The following FGF10 variants were observed in gnomAD, a reference collection of about 807,000 sequenced individuals.
The protein encoded by FGF10 is FGF-10.
In FGF10, 2 loss-of-function variants were observed where a neutral mutation model predicts 19.8. That is an observed-to-expected ratio of 0.10 (90% confidence interval 0.04 to 0.32). The LOEUF is 0.32. FGF10 is among the 10% of genes least tolerant of loss of function. The pLI, the probability that FGF10 is intolerant of heterozygous loss-of-function variation, is 1.00. For synonymous variants in FGF10, 112 were observed against 94.0 expected, an observed-to-expected ratio of 1.19 and a Z score of -1.10; for missense variants, 191 against 246.3, an observed-to-expected ratio of 0.78 and a Z score of 1.50.
chr5:44,354,952 A>T (rs987155481), intron 1 of FGF10, among the ~76,000 whole-genome samples: 1 of 151,464 alleles, frequency 6.6e-6, no homozygotes, highest in African/African-American at 2.4e-5. Flanking sequence ...TTATAATACC[A>T]GTTCCCTTTT....
At position 44,353,499 on chromosome 5, in the gene FGF10, G is replaced by C. The variant is rs1741280486; in HGVS notation, c.325+34859C>G. 2.6e-5 allele frequency among the ~76,000 whole-genome samples: 4 copies of C among 151,172 alleles called. No homozygotes were observed. In the South Asian group the frequency reaches 8.3e-4, roughly 32 times the overall value. On this transcript the variant is annotated intron_variant, in intron 1 of 2. Coordinates refer to ENST00000264664, the MANE Select transcript of FGF10 (RefSeq NM_004465.2). ...TTTCTCACTTCATTAGTTTTGTTTT[G>C]TGTTTGTATTTTTAAATTGCGTCAA... is the stretch of plus-strand genomic sequence containing the variant.
chr5:44,373,422 C>A (rs1332809272), intron 1 of FGF10, among the ~76,000 whole-genome samples: 1 of 152,096 alleles, frequency 6.6e-6, no homozygotes, highest in Non-Finnish European at 1.5e-5. Flanking sequence ...CTTAACAGTT[C>A]TTTTTTCACT....
Position 44,303,882 on chromosome 5 carries a change from G to C in FGF10, c.*1113C>G, listed in dbSNP as rs1383025652. ...ATTTACAGAGGGTTTTTAGAGATGT[G>C]GACAGCCTCTTTACCGCCATGACAT... On this transcript the variant is annotated 3_prime_UTR_variant, in exon 3 of 3. Coordinates refer to ENST00000264664, the MANE Select transcript of FGF10 (RefSeq NM_004465.2). The C allele has an allele frequency of 6.6e-6, 1 of 152,088 alleles. No individual in the cohort carries two copies. Among genetic ancestry groups the C allele is most frequent in the Admixed American group, 6.6e-5 (1 of 15,254 alleles). The allele number at this position is 152,088 out of a possible 1,614,324, so 9.4% of individuals were successfully genotyped here. A position where few individuals can be genotyped will look rare whatever the true frequency, so the allele number is the denominator to read the frequency against.
chr5:44,348,666 A>G (rs559550412), intron 1 of FGF10, among the ~76,000 whole-genome samples: 1 of 145,730 alleles, frequency 6.9e-6, no homozygotes, highest in African/African-American at 2.8e-5. Flanking sequence ...TAAGATATAT[A>G]ACGAATGGCT....
At position 44,388,617 on chromosome 5, in the gene FGF10, G is replaced by A; in HGVS notation, c.66C>T (p.Cys22=). The A allele has an allele frequency of 6.2e-7, 1 of 1,614,068 alleles. No individual in the cohort carries two copies. Among genetic ancestry groups the A allele is most frequent in the Non-Finnish European group, 8.5e-7 (1 of 1,179,980 alleles). The change falls in exon 1 of 3, where the codon TGC becomes TGT. Residue 22 remains cysteine, a synonymous_variant. Coordinates refer to ENST00000264664, the MANE Select transcript of FGF10 (RefSeq NM_004465.2). ...AFPHLPGCCC[C]CFLLLFLVSS... The stretch of plus-strand genomic sequence containing the variant: ...ACACCAAGAACAGCAACAAAAAGCA[G>A]CAGCAGCAGCAGCCGGGCAGGTGGG...
At chr5:44,366,190 A>C (rs1232946166) in intron 1 of FGF10, among the ~76,000 whole-genome samples, 1 of 134,858 alleles carries the variant, frequency 7.4e-6, no homozygotes, top group East Asian at 2.2e-4. Context: ...AATGGAAACC[A>C]ATTAGAATAA....
At chr5:44,387,038 T>A (rs970391280) in intron 1 of FGF10, among the ~76,000 whole-genome samples, 1 of 152,172 alleles carries the variant, frequency 6.6e-6, no homozygotes, top group Non-Finnish European at 1.5e-5. Context: ...CACAAAAATG[T>A]CCCCTTTAAA....
intron 1 of FGF10, among the ~76,000 whole-genome samples, chr5:44,357,294 T>A (rs1741371559): frequency 6.6e-6 from 1 of 151,428 alleles, no homozygotes. Context: ...AAGATCATGT[T>A]TTTGCACAAA....
At chr5:44,386,277 G>A (rs1011015168) in intron 1 of FGF10, among the ~76,000 whole-genome samples, 2 of 152,116 alleles carry the variant, frequency 1.3e-5, no homozygotes, top group Admixed American at 6.5e-5. Flanking sequence ...CTAAAACAGA[G>A]CAGATTTGAC....
intron 1 of FGF10, among the ~76,000 whole-genome samples, chr5:44,341,787 T>C (rs1740977056): frequency 6.6e-6 from 1 of 151,982 alleles, no homozygotes; most frequent in Admixed American, 6.6e-5. Context: ...TCATGGAATT[T>C]AAAATCAGAC....
intron 1 of FGF10, among the ~76,000 whole-genome samples, chr5:44,317,208 A>G (rs1317888737): frequency 3.3e-5 from 5 of 152,204 alleles, no homozygotes; most frequent in African/African-American, 1.2e-4. Context: ...TAGTTTCTCT[A>G]TCTTCCACAG....
Position 44,388,588 on chromosome 5 carries a change from G to T in FGF10, c.95C>A (p.Ser32Tyr). The change falls in exon 1 of 3, where the codon TCC (serine) becomes TAC (tyrosine). Residue 32 changes from serine to tyrosine, a missense_variant. By Grantham distance (144) the Ser-to-Tyr change is moderately radical. This residue lies in a region of FGF10 where 92 missense variants were observed against 84.6 expected (regional missense o/e 1.09). Coordinates refer to ENST00000264664, the MANE Select transcript of FGF10 (RefSeq NM_004465.2). ...AAGGGCTTGGCAGGTGACAGGGACG[G>T]AAGACACCAAGAACAGCAACAAAAA... ...CCFLLLFLVS[S>Y]VPVTCQALGQ... 2 of 1,614,146 alleles carry T rather than the reference G, an allele frequency of 1.2e-6. No individual in the cohort carries two copies. Among genetic ancestry groups the T allele is most frequent in the Non-Finnish European group, 1.7e-6 (2 of 1,180,022 alleles).
chr5:44,319,692 T>TGATTAC (rs1740438167), intron 1 of FGF10, among the ~76,000 whole-genome samples: 2 of 152,244 alleles, frequency 1.3e-5, no homozygotes, highest in African/African-American at 4.8e-5. Flanking sequence ...TAGTGGGTAA[T>TGATTAC]CATAATACTT....
rs563671928 is a variant in FGF10 at position 44,354,786 on chromosome 5, T to C, written c.325+33572A>G. Among the ~76,000 whole-genome samples the C allele has an allele frequency of 8.5e-4, 129 of 151,652 alleles. No individual in the cohort carries two copies. In the Middle Eastern group the frequency reaches 0.01, roughly 12 times the overall value. On this transcript the variant is annotated intron_variant, in intron 1 of 2. Coordinates refer to ENST00000264664, the MANE Select transcript of FGF10 (RefSeq NM_004465.2). ...AACCCAGTGCTACTGATTCAGCTGC[T>C]GCCTACCCTGAGTCACACTATCTCC...
intron 2 of FGF10, among the ~76,000 whole-genome samples, chr5:44,309,064 A>G (rs1740150161): frequency 6.6e-6 from 1 of 152,202 alleles, no homozygotes; most frequent in African/African-American, 2.4e-5. Flanking sequence ...TTATTTACAA[A>G]TTTAAAGTGA....
intron 1 of FGF10, among the ~76,000 whole-genome samples, chr5:44,324,733 G>A (rs888577000): frequency 2.0e-5 from 3 of 152,134 alleles, no homozygotes; most frequent in African/African-American, 7.2e-5. Flanking sequence ...GGCTGGAAAA[G>A]ACTGGACAAA....
At chr5:44,373,624 A>T (rs934387007) in intron 1 of FGF10, among the ~76,000 whole-genome samples, 1 of 152,080 alleles carries the variant, frequency 6.6e-6, no homozygotes, top group Non-Finnish European at 1.5e-5. Flanking sequence ...CTAGTTTTCA[A>T]TAACATATTC....
At chr5:44,372,950 G>A (rs970237194) in intron 1 of FGF10, among the ~76,000 whole-genome samples, 1 of 152,166 alleles carries the variant, frequency 6.6e-6, no homozygotes, top group Non-Finnish European at 1.5e-5. Flanking sequence ...TGTACCCAAG[G>A]CTCTGCACTC....
chr5:44,389,023 C>T lies in FGF10; in HGVS notation c.-341G>A, dbSNP rs1411276407. On this transcript the variant is annotated 5_prime_UTR_variant, in exon 1 of 3. Transcript: ENST00000264664. ...AGGAGTTACTTTGTTCTCTTCTTTA[C>T]TCCTTTCTTCACCATGTTAGATGCC... 1 of 421,192 alleles carries T rather than the reference C, an allele frequency of 2.4e-6. No individual in the cohort carries two copies. 26.1% of individuals were successfully genotyped at this position (421,192 alleles called of 1,614,324 possible).
Sources: allele counts gnomAD v4.1 joint callset (sites outside exome capture counted in the v4.1 genomes callset), GRCh38; gene constraint gnomAD v4.1.1; regional missense constraint gnomAD v4.1.1; transcripts MANE v1.5; gene names NCBI Gene and HGNC (gene_info 2026-07-23, HGNC 2026-07-21).